The following SNTG1 variants were observed in gnomAD, a reference collection of about 807,000 sequenced individuals.
The protein encoded by SNTG1 is gamma-1-syntrophin.
A neutral mutation model predicts 74.7 loss-of-function variants in SNTG1; 39 were observed. That is an observed-to-expected ratio of 0.52 (90% confidence interval 0.40 to 0.68). SNTG1 has a LOEUF of 0.68. Among genes scored for constraint, SNTG1 ranks in the 30% least tolerant of loss-of-function variants. The pLI, the probability that SNTG1 is intolerant of heterozygous loss-of-function variation, is 0.00. For synonymous variants in SNTG1, 254 were observed against 217.1 expected, an observed-to-expected ratio of 1.17 and a Z score of -1.49; for missense variants, 685 against 609.5, an observed-to-expected ratio of 1.12 and a Z score of -1.30.
chr8:50,195,566 T>C (rs895049999), intron 2 of SNTG1, among the ~76,000 whole-genome samples: 4 of 152,184 alleles, frequency 2.6e-5, no homozygotes, highest in African/African-American at 9.7e-5. Context: ...ATCCCTGTTA[T>C]GCCAGGCAAG....
At chr8:50,000,908 C>T (rs1814681895) in intron 1 of SNTG1, among the ~76,000 whole-genome samples, 1 of 152,168 alleles carries the variant, frequency 6.6e-6, no homozygotes, top group South Asian at 2.1e-4. Flanking sequence ...CCTCTGAAAA[C>T]ATCAGAGCAC....
chr8:50,083,683 T>G (rs2131096944), intron 1 of SNTG1, among the ~76,000 whole-genome samples: 1 of 152,354 alleles, frequency 6.6e-6, no homozygotes, highest in Non-Finnish European at 1.5e-5. Context: ...CATTCATTTT[T>G]TTGGAATGTT....
At chr8:50,390,554 T>C (rs2092642819) in intron 2 of SNTG1, among the ~76,000 whole-genome samples, 1 of 152,208 alleles carries the variant, frequency 6.6e-6, no homozygotes, top group African/African-American at 2.4e-5. Flanking sequence ...CAATGCTGGC[T>C]CTTGTTTGCT....
At chr8:50,259,657 G>T (rs1168438595) in intron 2 of SNTG1, among the ~76,000 whole-genome samples, 4 of 151,824 alleles carry the variant, frequency 2.6e-5, no homozygotes, top group Admixed American at 6.6e-5. Flanking sequence ...AACGACTAAA[G>T]ATGTATGGTT....
At chr8:50,065,162 A>C (rs1228525771) in intron 1 of SNTG1, among the ~76,000 whole-genome samples, 1 of 152,190 alleles carries the variant, frequency 6.6e-6, no homozygotes, top group African/African-American at 2.4e-5. Flanking sequence ...TAAAATAATC[A>C]ATTTACTTAT....
At chr8:50,068,174 C>G (rs942680540) in intron 1 of SNTG1, among the ~76,000 whole-genome samples, 10 of 152,186 alleles carry the variant, frequency 6.6e-5, no homozygotes, top group Non-Finnish European at 5.9e-5. Flanking sequence ...ATATTTCCAT[C>G]TTCTCACATT....
chr8:50,203,808 A>G (rs116348669), intron 2 of SNTG1, among the ~76,000 whole-genome samples: 2,564 of 150,316 alleles, frequency 0.017, 65 homozygotes, highest in African/African-American at 0.052. Flanking sequence ...TCGTAATAAA[A>G]TCTTGTTATA....
At chr8:50,232,063 TA>T (rs1297407886) in intron 2 of SNTG1, among the ~76,000 whole-genome samples, 2 of 151,334 alleles carry the variant, frequency 1.3e-5, no homozygotes, top group Non-Finnish European at 3.0e-5. Context: ...TGAAAGAAGA[TA>T]AAACACTTAC....
chr8:50,580,919 AG>A (rs749758126), intron 12 of SNTG1, among the ~76,000 whole-genome samples: 6 of 152,146 alleles, frequency 3.9e-5, no homozygotes, highest in Non-Finnish European at 5.9e-5. Context: ...CATACATACA[AG>A]GACCTGATAC....
chr8:50,004,947 A>G (rs1321874172), intron 1 of SNTG1, among the ~76,000 whole-genome samples: 1 of 152,314 alleles, frequency 6.6e-6, no homozygotes, highest in Non-Finnish European at 1.5e-5. Context: ...TAAACTGCGC[A>G]TGAAACCTCC....
At chr8:50,299,767 T>C (rs1474223000) in intron 2 of SNTG1, among the ~76,000 whole-genome samples, 1 of 152,134 alleles carries the variant, frequency 6.6e-6, no homozygotes, top group Non-Finnish European at 1.5e-5. Context: ...GAACTAGCCC[T>C]ATTTCAAGGG....
At chr8:50,372,805 T>G (rs569838599) in intron 2 of SNTG1, among the ~76,000 whole-genome samples, 3 of 152,268 alleles carry the variant, frequency 2.0e-5, no homozygotes, top group East Asian at 3.9e-4. Context: ...TGGAGTCAGA[T>G]AGTATATCCC....
Position 50,149,441 on chromosome 8 carries a change from T to G in SNTG1, c.-102-23120T>G, listed in dbSNP as rs577222076. ...TTGGCTTTTGTTGCCATTGCTTTTG[T>G]TGTTTTAGACATGAAGTCCTTGCCC... On this transcript the variant is annotated intron_variant, in intron 1 of 18. Coordinates refer to ENST00000642720, the MANE Select transcript of SNTG1 (RefSeq NM_018967.5). 7.2e-5 allele frequency among the ~76,000 whole-genome samples: 11 copies of G among 152,208 alleles called. No homozygotes were observed. The South Asian group carries it at 8.3e-4, about 11-fold the overall frequency.
chr8:50,757,329 G>A (rs978222142), intron 18 of SNTG1, among the ~76,000 whole-genome samples: 1 of 151,734 alleles, frequency 6.6e-6, no homozygotes, highest in Non-Finnish European at 1.5e-5. Context: ...TTGAAGTTCT[G>A]TCAGTTTAGC....
At chr8:50,559,402 G>C (rs2094474348) in intron 12 of SNTG1, among the ~76,000 whole-genome samples, 1 of 151,888 alleles carries the variant, frequency 6.6e-6, no homozygotes, top group African/African-American at 2.4e-5. Context: ...ATTAACAAAG[G>C]AATAAGTGAA....
chr8:50,684,563 T>A (rs2095344106), intron 15 of SNTG1, among the ~76,000 whole-genome samples: 1 of 152,038 alleles, frequency 6.6e-6, no homozygotes, highest in Non-Finnish European at 1.5e-5. Flanking sequence ...TTTAAGTATA[T>A]TAAATTAAAA....
intron 1 of SNTG1, among the ~76,000 whole-genome samples, chr8:49,957,217 G>T (rs1162884056): frequency 6.6e-6 from 1 of 152,136 alleles, no homozygotes; most frequent in African/African-American, 2.4e-5. Flanking sequence ...TATGGGTCTT[G>T]TCTCATTCTC....
At chr8:50,645,628 A>G (rs555919977) in intron 13 of SNTG1, among the ~76,000 whole-genome samples, 1 of 152,316 alleles carries the variant, frequency 6.6e-6, no homozygotes, top group African/African-American at 2.4e-5. Context: ...TATTCCTGGC[A>G]AAATAAAATA....
chr8:50,176,425 G>A (rs1341185136), intron 2 of SNTG1, among the ~76,000 whole-genome samples: 1 of 152,152 alleles, frequency 6.6e-6, no homozygotes, highest in Non-Finnish European at 1.5e-5. Context: ...ATTCAGCCCA[G>A]TACTGACTTC....
Sources: gnomAD v4.1 joint callset for allele counts (sites outside exome capture counted in the v4.1 genomes callset) on GRCh38, gnomAD v4.1.1 for gene constraint, MANE v1.5 for transcripts, NCBI Gene and HGNC (gene_info 2026-07-23, HGNC 2026-07-21) for gene names.